RNGTT: variants seen among roughly 807,000 people sequenced by gnomAD.
RNGTT encodes mRNA-capping enzyme.
RNGTT carries 33 observed loss-of-function variants against 79.3 expected under a neutral mutation model. The observed-to-expected ratio is 0.42, with a 90% CI of 0.32 to 0.56. The LOEUF (loss-of-function observed/expected upper bound fraction) is 0.56, where lower values mean the gene tolerates loss of function less well. Ranked by LOEUF, RNGTT falls within the 20% of genes least tolerant of loss-of-function variation. RNGTT has a pLI of 0.17. For synonymous variants in RNGTT, 222 were observed against 235.9 expected, an observed-to-expected ratio of 0.94 and a Z score of 0.54; for missense variants, 497 against 739.1, an observed-to-expected ratio of 0.67 and a Z score of 3.80.
At chr6:88,632,161 C>T (rs1772913906) in intron 14 of RNGTT, among the ~76,000 whole-genome samples, 1 of 152,060 alleles carries the variant, frequency 6.6e-6, no homozygotes, top group African/African-American at 2.4e-5. Context: ...GGAGTTTCAC[C>T]ATGTTGCCCA....
chr6:88,789,525 A>G (rs1779336589), intron 12 of RNGTT, among the ~76,000 whole-genome samples: 2 of 152,242 alleles, frequency 1.3e-5, no homozygotes, highest in South Asian at 4.1e-4. Context: ...GCACCACTGC[A>G]CTACAGCCTG....
At chr6:88,887,834 G>C (rs1438143788) in intron 8 of RNGTT, among the ~76,000 whole-genome samples, 2 of 152,202 alleles carry the variant, frequency 1.3e-5, no homozygotes, top group Non-Finnish European at 2.9e-5. Context: ...GAGTATATAA[G>C]GCCAGATGTG....
At chr6:88,950,812 A>G (rs1419366346) in intron 1 of RNGTT, among the ~76,000 whole-genome samples, 2 of 152,016 alleles carry the variant, frequency 1.3e-5, no homozygotes, top group African/African-American at 4.8e-5. Flanking sequence ...AACCTGGAGG[A>G]CACAGTGAGA....
intron 4 of RNGTT, among the ~76,000 whole-genome samples, chr6:88,924,813 T>A (rs1317542241): frequency 6.6e-6 from 1 of 151,492 alleles, no homozygotes; most frequent in African/African-American, 2.4e-5. Flanking sequence ...AGCCTCAAAC[T>A]CCTGGGCTCA....
chr6:88,662,807 G>A (rs756020091), intron 14 of RNGTT, among the ~76,000 whole-genome samples: 16 of 152,290 alleles, frequency 1.1e-4, no homozygotes, highest in South Asian at 2.1e-4. Flanking sequence ...TTAACACAGC[G>A]GTTGAACACC....
intron 5 of RNGTT, 136 bp from the exon 6 acceptor site, chr6:88,905,091 C>T: frequency 9.5e-7 from 1 of 1,055,230 alleles, no homozygotes; most frequent in Non-Finnish European, 1.4e-6. Flanking sequence ...ACAATCCTCA[C>T]CCTCAAGTCA....
intron 13 of RNGTT, among the ~76,000 whole-genome samples, chr6:88,758,376 A>C (rs1778091407): frequency 2.0e-5 from 3 of 152,200 alleles, no homozygotes; most frequent in African/African-American, 4.8e-5. Flanking sequence ...ACTAACGCTC[A>C]ACCAAGAAGG....
intron 2 of RNGTT, among the ~76,000 whole-genome samples, chr6:88,939,381 C>T (rs2127957892): frequency 6.6e-6 from 1 of 152,184 alleles, no homozygotes; most frequent in East Asian, 1.9e-4. Context: ...TCTGCCTGAT[C>T]TAGTCTATTA....
chr6:88,942,502 T>C (rs187784461), intron 1 of RNGTT, among the ~76,000 whole-genome samples: 3 of 152,156 alleles, frequency 2.0e-5, no homozygotes, highest in Admixed American at 2.0e-4. Context: ...CCCCAGTAGC[T>C]GGGACTACAG....
chr6:88,614,358 A>G lies in RNGTT; in HGVS notation c.1544T>C (p.Ile515Thr), dbSNP rs749604367. Residue 515 changes from isoleucine to threonine, a missense_variant, in exon 15 of 16, where the codon ATA (isoleucine) becomes ACA (threonine). Physicochemically the swap from Ile to Thr is moderately conservative, Grantham distance 89. Coordinates refer to ENST00000369485, the MANE Select transcript of RNGTT (RefSeq NM_003800.5). Reference sequence around the variant, plus strand: ...GCTGTTGTTCTCAAATTTGCATTCTATAATTTTGTTGTCATACTGTTTCAG... The same window carrying G: ...GCTGTTGTTCTCAAATTTGCATTCTGTAATTTTGTTGTCATACTGTTTCAG... The part of the protein sequence containing the change: ...KELKQYDNKI[I>T]ECKFENNSWV... The G allele has an allele frequency of 6.2e-7, 1 of 1,613,652 alleles. No homozygotes were observed. Among genetic ancestry groups the G allele is most frequent in the Non-Finnish European group, 8.5e-7 (1 of 1,179,596 alleles).
intron 1 of RNGTT, among the ~76,000 whole-genome samples, chr6:88,946,618 G>C (rs566052932): frequency 1.3e-5 from 2 of 149,082 alleles, no homozygotes; most frequent in African/African-American, 5.0e-5. Flanking sequence ...TGAAAAGCTC[G>C]ACAGCAGCTC....
intron 2 of RNGTT, among the ~76,000 whole-genome samples, chr6:88,940,113 T>C (rs1440925121): frequency 6.6e-6 from 1 of 150,968 alleles, no homozygotes; most frequent in Non-Finnish European, 1.5e-5. Context: ...TCTCACTCTG[T>C]TGCCTGGGTT....
chr6:88,906,487 G>T, intron 4 of RNGTT, 47 bp from the exon 5 acceptor site: 1 of 1,120,246 alleles, frequency 8.9e-7, no homozygotes, highest in South Asian at 1.6e-5. Context: ...TCACTGCAGA[G>T]GCCACATTTA....
chr6:88,938,835 G>C (rs1784753582), intron 2 of RNGTT, among the ~76,000 whole-genome samples: 1 of 152,140 alleles, frequency 6.6e-6, no homozygotes, highest in Non-Finnish European at 1.5e-5. Context: ...GCTTTTGCTT[G>C]TCTGGGAAAG....
At position 88,941,191 on chromosome 6, in the gene RNGTT, C is replaced by T. The variant is rs769424922; in HGVS notation, c.65-11G>A. The T allele has an allele frequency of 5.6e-6, 8 of 1,421,726 alleles. No individual in the cohort carries two copies. The highest frequency in any genetic ancestry group is 5.5e-5 in the Admixed American group (3 of 54,122). 88.1% of individuals were successfully genotyped at this position (1,421,726 alleles called of 1,614,324 possible). On this transcript the variant is annotated splice_polypyrimidine_tract_variant and intron_variant, in intron 1 of 15. Transcript: ENST00000369485. ...GAGGTAAGAATCTTCCTAAACAACA[C>T]AGATAGGTAATCATTTCCATAAAAG...
At chr6:88,826,799 AATATATATATATATATATGTGTGTGT>A (rs1780672424) in intron 11 of RNGTT, among the ~76,000 whole-genome samples, 1 of 126,954 alleles carries the variant, frequency 7.9e-6, no homozygotes, top group African/African-American at 3.1e-5. Flanking sequence ...AAAAAAAAAA[AATATATATATATATATATGTGTGTGT>A]ATATATATAT....
At chr6:88,948,921 G>A (rs1324890498) in intron 1 of RNGTT, among the ~76,000 whole-genome samples, 2 of 89,672 alleles carry the variant, frequency 2.2e-5, no homozygotes, top group African/African-American at 4.4e-5. Context: ...CAGCATGCTC[G>A]TTAAGAGTCA....
intron 8 of RNGTT, among the ~76,000 whole-genome samples, chr6:88,877,223 G>A (rs968989710): frequency 3.3e-5 from 5 of 152,178 alleles, no homozygotes; most frequent in Non-Finnish European, 7.3e-5. Flanking sequence ...ACAGTCTTCA[G>A]TTATAACAAC....
At chr6:88,662,198 T>A (rs1304468963) in intron 14 of RNGTT, among the ~76,000 whole-genome samples, 1 of 152,198 alleles carries the variant, frequency 6.6e-6, no homozygotes, top group African/African-American at 2.4e-5. Flanking sequence ...TCCTATTTCA[T>A]GAGAAAGCAA....
Sources: allele counts gnomAD v4.1 joint callset (sites outside exome capture counted in the v4.1 genomes callset), GRCh38; gene constraint gnomAD v4.1.1; transcripts MANE v1.5; gene names NCBI Gene and HGNC (gene_info 2026-07-23, HGNC 2026-07-21).